PHF24: variants seen among roughly 807,000 people sequenced by gnomAD.
PHF24 encodes PHD finger protein 24.
A neutral mutation model predicts 42.6 loss-of-function variants in PHF24; 25 were observed. That is an observed-to-expected ratio of 0.59 (90% confidence interval 0.43 to 0.82). The LOEUF (loss-of-function observed/expected upper bound fraction) is 0.82. PHF24 is among the 40% of genes least tolerant of loss of function. PHF24 has a pLI of 0.00. For synonymous variants in PHF24, 185 were observed against 204.8 expected, an observed-to-expected ratio of 0.90 and a Z score of 0.83; for missense variants, 470 against 538.1, an observed-to-expected ratio of 0.87 and a Z score of 1.25.
the PHF24 span, among the ~76,000 whole-genome samples, chr9:34,943,751 C>T: frequency 6.6e-6 from 1 of 152,206 alleles, no homozygotes; most frequent in Non-Finnish European, 1.5e-5. Context: ...CTCCCTCAAG[C>T]TGAAGCTCCT....
the PHF24 span, among the ~76,000 whole-genome samples, chr9:34,874,347 C>T: frequency 6.6e-6 from 1 of 152,168 alleles, no homozygotes; most frequent in Non-Finnish European, 1.5e-5. Context: ...ATTCAACAAC[C>T]TTTCATGCTA....
chr9:34,727,104 A>G, the PHF24 span: 1 of 1,437,856 alleles, frequency 7.0e-7, no homozygotes. Context: ...GGCCTATACC[A>G]TCTTGTTGTC....
chr9:34,729,343 A>G, the PHF24 span: 24 of 1,551,848 alleles, frequency 1.5e-5, 1 homozygote, highest in Admixed American at 1.2e-4. Context: ...TTCACTTGCC[A>G]GATAATTACA....
chr9:34,840,539 CCTTCTTCTT>C, the PHF24 span, among the ~76,000 whole-genome samples: 8 of 139,394 alleles, frequency 5.7e-5, no homozygotes, highest in African/African-American at 7.9e-5. Flanking sequence ...TCTTCTCCTT[CCTTCTTCTT>C]CTTCTTCTTC....
chr9:34,677,231 C>G, the PHF24 span, among the ~76,000 whole-genome samples: 1 of 152,068 alleles, frequency 6.6e-6, no homozygotes, highest in Non-Finnish European at 1.5e-5. Flanking sequence ...TCATGTTCTA[C>G]TTATAAGTCC....
At chr9:34,764,999 G>T in the PHF24 span, among the ~76,000 whole-genome samples, 2 of 152,142 alleles carry the variant, frequency 1.3e-5, no homozygotes, top group African/African-American at 4.8e-5. Flanking sequence ...TTTCCATGTA[G>T]TTGAGAGGTT....
chr9:34,735,363 C>T, the PHF24 span, among the ~76,000 whole-genome samples: 1 of 151,214 alleles, frequency 6.6e-6, no homozygotes, highest in Non-Finnish European at 1.5e-5. Context: ...TCTTGAACTC[C>T]TGACTTTGTG....
At chr9:34,849,173 G>A in the PHF24 span, among the ~76,000 whole-genome samples, 37 of 152,054 alleles carry the variant, frequency 2.4e-4, no homozygotes, top group African/African-American at 7.7e-4. Flanking sequence ...TTTCTGTCTC[G>A]TTGATCTGTC....
the PHF24 span, among the ~76,000 whole-genome samples, chr9:34,673,723 G>C: frequency 6.6e-6 from 1 of 151,760 alleles, no homozygotes; most frequent in East Asian, 2.0e-4. Context: ...CCAGGTTCAC[G>C]CCATTCTCCT....
chr9:34,832,794 GGCTGACCCTGTGAA>G, the PHF24 span: 3 of 1,551,246 alleles, frequency 1.9e-6, no homozygotes, highest in Non-Finnish European at 8.7e-7. Context: ...GCTCAGGAAA[GGCTGACCCTGTGAA>G]GCTGGGGCAC....
the PHF24 span, among the ~76,000 whole-genome samples, chr9:34,881,045 A>T: frequency 2.6e-5 from 4 of 152,260 alleles, no homozygotes; most frequent in African/African-American, 4.8e-5. Context: ...AGAACTTAGG[A>T]TTAAGAAACT....
chr9:34,816,338 G>T, the PHF24 span, among the ~76,000 whole-genome samples: 2 of 151,976 alleles, frequency 1.3e-5, no homozygotes, highest in African/African-American at 4.8e-5. Context: ...TTTTGAGGTT[G>T]TTCTACCTAT....
the PHF24 span, among the ~76,000 whole-genome samples, chr9:34,683,261 A>G: frequency 1.3e-5 from 2 of 152,232 alleles, no homozygotes; most frequent in African/African-American, 4.8e-5. Flanking sequence ...GGGTTTTGCC[A>G]TGTTGGCCAA....
chr9:34,809,848 GC>G, the PHF24 span, among the ~76,000 whole-genome samples: 1 of 152,076 alleles, frequency 6.6e-6, no homozygotes, highest in Non-Finnish European at 1.5e-5. The surrounding 1 kb of genome is among the most constrained non-coding windows in gnomAD (Gnocchi z 4.1). Flanking sequence ...ACTCATCCGA[GC>G]CCATGGAACC....
the PHF24 span, among the ~76,000 whole-genome samples, chr9:34,796,479 G>A: frequency 4.6e-5 from 7 of 150,646 alleles, no homozygotes; most frequent in Middle Eastern, 3.4e-3. Context: ...ATCCAACAAA[G>A]GACCTACATT....
chr9:34,868,222 T>C, the PHF24 span, among the ~76,000 whole-genome samples: 60 of 152,318 alleles, frequency 3.9e-4, no homozygotes, highest in Non-Finnish European at 6.8e-4. Flanking sequence ...GTTTGAAGAT[T>C]TGGTCTGATC....
the PHF24 span, among the ~76,000 whole-genome samples, chr9:34,845,500 T>A: frequency 2.4e-4 from 37 of 152,266 alleles, no homozygotes; most frequent in Admixed American, 1.2e-3. Flanking sequence ...CTAGTCTAGT[T>A]TTTTTGCTTT....
chr9:34,666,998 C>T, the PHF24 span, among the ~76,000 whole-genome samples: 1 of 152,132 alleles, frequency 6.6e-6, no homozygotes. Context: ...TGTCTGCCCT[C>T]TGAGAGGTAG....
At chr9:34,680,241 G>C in the PHF24 span, among the ~76,000 whole-genome samples, 54 of 152,204 alleles carry the variant, frequency 3.5e-4, no homozygotes, top group African/African-American at 1.2e-3. Context: ...CAAGCATGGT[G>C]GGGGGTGCCT....
Sources: allele counts gnomAD v4.1 joint callset (sites outside exome capture counted in the v4.1 genomes callset), GRCh38; gene constraint gnomAD v4.1.1; non-coding constraint Gnocchi (gnomAD v3.1); transcripts MANE v1.5; gene names NCBI Gene and HGNC (gene_info 2026-07-23, HGNC 2026-07-21).